Variants in NSRP1 observed in about 807,000 individuals in gnomAD.
NSRP1 encodes coiled-coil domain containing 55.
A neutral mutation model predicts 54.7 loss-of-function variants in NSRP1; 24 were observed. The ratio of observed to expected loss-of-function variants is 0.44; its 90% CI spans 0.32 to 0.62. The LOEUF is 0.62. Among genes scored for constraint, NSRP1 ranks in the 20% least tolerant of loss-of-function variants. NSRP1 has a pLI of 0.06. For synonymous variants in NSRP1, 210 were observed against 213.8 expected (o/e 0.98, Z 0.15); for missense variants, 596 against 651.2 (o/e 0.92, Z 0.92).
At chr17:30,141,275 ATTC>A (rs1363510084) in intron 2 of NSRP1, among the ~76,000 whole-genome samples, 4 of 151,946 alleles carry the variant, frequency 2.6e-5, no homozygotes, top group Non-Finnish European at 4.4e-5. Flanking sequence ...ATAGCTGTAA[ATTC>A]TTCTTCAGTG....
At chr17:30,170,304 A>G (rs1904882547) in intron 2 of NSRP1, among the ~76,000 whole-genome samples, 1 of 152,122 alleles carries the variant, frequency 6.6e-6, no homozygotes, top group South Asian at 2.1e-4. Flanking sequence ...TATCTTACAT[A>G]CTTTTTTTGT....
rs776853452 is a variant in NSRP1 at position 30,181,015 on chromosome 17, A to G, written c.616A>G (p.Arg206Gly). 6.4e-7 allele frequency: 1 copy of G among 1,568,104 alleles called. No homozygotes were observed. The highest frequency in any genetic ancestry group is 8.8e-7 in the Non-Finnish European group (1 of 1,138,246). The change falls in exon 6 of 7, where the codon AGA (arginine) becomes GGA (glycine). Residue 206 changes from arginine (R) to glycine (G), a missense_variant and splice_region_variant. Transcript: ENST00000247026. ...ACCTAAATGCAGCTTTCGTGAAGCC[A>G]GGTGAGGAGACGTGTATGAAATATT... ...EVPKCSFREA[R>G]SGIKEEKSRG...
intron 3 of NSRP1, among the ~76,000 whole-genome samples, chr17:30,177,326 C>T (rs1255385569): frequency 6.6e-6 from 1 of 151,448 alleles, no homozygotes; most frequent in South Asian, 2.1e-4. Context: ...GAGCCAAGAT[C>T]ACACCACTGG....
chr17:30,168,235 T>A (rs532801695), intron 2 of NSRP1: 5 of 152,316 alleles, frequency 3.3e-5, no homozygotes, highest in African/African-American at 1.2e-4. Context: ...GCCTTAACAA[T>A]TAAAGGTGAC....
Position 30,116,818 on chromosome 17 carries a change from C to T in NSRP1, c.-26C>T. Reference sequence around the variant, plus strand: ...GGCGTCAGCGTCACGGAGGCGTCGGCCACGTTCAGCGGACACGGGAGCAAG... The same window carrying T: ...GGCGTCAGCGTCACGGAGGCGTCGGTCACGTTCAGCGGACACGGGAGCAAG... On this transcript the variant is annotated 5_prime_UTR_variant, in exon 1 of 7. Coordinates refer to ENST00000247026, the MANE Select transcript of NSRP1 (RefSeq NM_032141.4). 3.2e-6 allele frequency: 5 copies of T among 1,568,080 alleles called. No individual in the cohort carries two copies. The highest frequency in any genetic ancestry group is 4.3e-6 in the Non-Finnish European group (5 of 1,156,028).
At chr17:30,181,268 A>G (rs911017537) in intron 6 of NSRP1, among the ~76,000 whole-genome samples, 15 of 152,226 alleles carry the variant, frequency 9.9e-5, no homozygotes, top group Non-Finnish European at 1.5e-5. Flanking sequence ...TGAGTTTAAT[A>G]TTATTGTAAA....
At chr17:30,173,187 C>G (rs911254277) in intron 3 of NSRP1, among the ~76,000 whole-genome samples, 8 of 152,172 alleles carry the variant, frequency 5.3e-5, no homozygotes, top group Non-Finnish European at 1.2e-4. Flanking sequence ...TGGTCTGGAA[C>G]CCGTGACCTC....
At chr17:30,130,421 GT>G (rs534640105) in intron 2 of NSRP1, among the ~76,000 whole-genome samples, 4 of 151,934 alleles carry the variant, frequency 2.6e-5, no homozygotes, top group Non-Finnish European at 5.9e-5. Flanking sequence ...TTTAACCATT[GT>G]TTTCCATTTC....
At chr17:30,173,192 G>T (rs957627714) in intron 3 of NSRP1, among the ~76,000 whole-genome samples, 5 of 152,156 alleles carry the variant, frequency 3.3e-5, no homozygotes, top group African/African-American at 9.7e-5. Context: ...TGGAACCCGT[G>T]ACCTCAGGTG....
At chr17:30,158,257 A>T (rs1375516636) in intron 2 of NSRP1, among the ~76,000 whole-genome samples, 1 of 146,360 alleles carries the variant, frequency 6.8e-6, no homozygotes, top group African/African-American at 2.5e-5. Flanking sequence ...GGCCATTTGT[A>T]TGTCTTTTGA....
At chr17:30,148,594 T>C (rs1339429536) in intron 2 of NSRP1, among the ~76,000 whole-genome samples, 1 of 152,176 alleles carries the variant, frequency 6.6e-6, no homozygotes, top group Non-Finnish European at 1.5e-5. Flanking sequence ...GGAAACAGTT[T>C]AGGATTGGCT....
chr17:30,137,165 A>G (rs117412344), intron 2 of NSRP1, among the ~76,000 whole-genome samples: 3,420 of 152,282 alleles, frequency 0.022, 58 homozygotes, highest in Non-Finnish European at 0.033. Context: ...TAAGTATGCT[A>G]TTCATGCTAG....
intron 2 of NSRP1, chr17:30,127,997 G>T: frequency 2.5e-6 from 1 of 394,724 alleles, no homozygotes; most frequent in East Asian, 3.6e-5. Flanking sequence ...ACCATGCCTG[G>T]CTAATTTTTT....
rs1248802473 is a variant in NSRP1, at chr17:30,185,266, A to G, written c.1269A>G (p.Val423=). The G allele has an allele frequency of 2.5e-6, 4 of 1,599,554 alleles. No individual in the cohort carries two copies. The highest frequency in any genetic ancestry group is 3.4e-6 in the Non-Finnish European group (4 of 1,174,046). Residue 423 remains valine (V), a synonymous_variant, in exon 7 of 7, where the codon GTA becomes GTG. Transcript: ENST00000247026. ...AAGCAAAGGAAGAGCATATGAAAGT[A>G]AGGAAGGAAAGATATGAAAATAATG... The part of the protein sequence containing the change: ...KSKAKEEHMK[V]RKERYENNDK...
intron 2 of NSRP1, among the ~76,000 whole-genome samples, chr17:30,160,479 C>T (rs531378973): frequency 3.3e-5 from 5 of 152,168 alleles, no homozygotes; most frequent in South Asian, 4.1e-4. Flanking sequence ...TCTCATTACT[C>T]GTTGTTTGTT....
chr17:30,128,766 T>C (rs979421443), intron 2 of NSRP1, among the ~76,000 whole-genome samples: 2 of 152,100 alleles, frequency 1.3e-5, no homozygotes, highest in African/African-American at 4.8e-5. Context: ...GTAAGTAAAG[T>C]GTGTGCAATA....
chr17:30,123,434 G>C (rs1815023998), intron 2 of NSRP1, among the ~76,000 whole-genome samples: 1 of 152,084 alleles, frequency 6.6e-6, no homozygotes, highest in Non-Finnish European at 1.5e-5. Context: ...TTTTAAATTG[G>C]GTTGTCATTT....
At chr17:30,117,410 A>G (rs936076496) in intron 1 of NSRP1, 1 of 459,938 alleles carries the variant, frequency 2.2e-6, no homozygotes, top group African/African-American at 2.0e-5. Flanking sequence ...TTTACCTTTG[A>G]TGTGTAATCC....
intron 2 of NSRP1, among the ~76,000 whole-genome samples, chr17:30,152,312 G>T (rs1376642892): frequency 6.6e-6 from 1 of 151,158 alleles, no homozygotes; most frequent in Non-Finnish European, 1.5e-5. Flanking sequence ...TAGAGACAGG[G>T]TTTCATTCTG....
Sources: allele counts gnomAD v4.1 joint callset (sites outside exome capture counted in the v4.1 genomes callset), GRCh38; gene constraint gnomAD v4.1.1; transcripts MANE v1.5; gene names NCBI Gene and HGNC (gene_info 2026-07-23, HGNC 2026-07-21).